DCTN4: variants seen among roughly 807,000 people sequenced by gnomAD.
DCTN4 encodes dynactin subunit 4, also known as dynactin 4 (p62).
DCTN4 carries 23 observed loss-of-function variants against 62.7 expected under a neutral mutation model. The ratio of observed to expected loss-of-function variants is 0.37; its 90% confidence interval spans 0.26 to 0.52. The LOEUF is 0.52. DCTN4 is among the 20% of genes least tolerant of loss of function. The pLI is 0.92. For missense variants in DCTN4, 514 were observed against 580.4 expected, an observed-to-expected ratio of 0.89 and a Z score of 1.18; for synonymous variants, 199 against 202.1, an observed-to-expected ratio of 0.98 and a Z score of 0.13.
At position 150,753,302 on chromosome 5, in the gene DCTN4, T is replaced by C. The variant is rs1048707673; in HGVS notation, c.385+177A>G. On this transcript the variant is annotated intron_variant, in intron 3 of 12. Coordinates refer to ENST00000447998, the MANE Select transcript of DCTN4 (RefSeq NM_016221.4). ...TCTAAGAAAACTAAATATTATCCCA[T>C]CTCAGATAAAACACTAAGGTCTACA... Among the ~76,000 whole-genome samples, 6 of 152,318 alleles carry C rather than the reference T, an allele frequency of 3.9e-5. 1 individual carries two copies. Among genetic ancestry groups the C allele is most frequent in the African/African-American group, 4.8e-5 (2 of 41,562 alleles).
chr5:150,751,444 G>T (rs1561710392), intron 3 of DCTN4, among the ~76,000 whole-genome samples: 1 of 152,046 alleles, frequency 6.6e-6, no homozygotes, highest in Non-Finnish European at 1.5e-5. Context: ...AACAAACTGA[G>T]AAATCTACTT....
chr5:150,747,406 C>T (rs1041845573), intron 3 of DCTN4, among the ~76,000 whole-genome samples: 3 of 152,168 alleles, frequency 2.0e-5, no homozygotes, highest in African/African-American at 7.2e-5. Flanking sequence ...ATCAAGCTAC[C>T]AATGACTTTC....
intron 4 of DCTN4, among the ~76,000 whole-genome samples, chr5:150,738,025 A>G (rs902474968): frequency 6.6e-6 from 1 of 152,180 alleles, no homozygotes; most frequent in African/African-American, 2.4e-5. Context: ...GAGGAGATGG[A>G]TAAATTCCTG....
intron 4 of DCTN4, among the ~76,000 whole-genome samples, chr5:150,735,038 C>A (rs151176928): frequency 0.015 from 2,275 of 152,304 alleles, 55 homozygotes; most frequent in African/African-American, 0.052. Flanking sequence ...TGGTCTTTCT[C>A]TACCTGCCCT....
At chr5:150,737,418 G>T (rs12332423) in intron 4 of DCTN4, among the ~76,000 whole-genome samples, 22,931 of 152,052 alleles carry the variant, frequency 0.15, 3,127 homozygotes, top group African/African-American at 0.36. Flanking sequence ...TGAAGTACTC[G>T]CTCAGACAGC....
intron 2 of DCTN4, among the ~76,000 whole-genome samples, chr5:150,755,814 T>A (rs1440989071): frequency 6.6e-6 from 1 of 152,186 alleles, no homozygotes; most frequent in African/African-American, 2.4e-5. Flanking sequence ...GTGTATTGGT[T>A]CATTAATTGT....
Position 150,730,747 on chromosome 5 carries a change from A to G in DCTN4, c.725-7T>C, listed in dbSNP as rs373413057. Reference sequence around the variant, plus strand: ...CGCTGCTGAAGGGTTGTTACTAGAAAGAAAGGCAGAAAACAGGCTTAGTTT... The same window carrying G: ...CGCTGCTGAAGGGTTGTTACTAGAAGGAAAGGCAGAAAACAGGCTTAGTTT... On this transcript the variant is annotated splice_region_variant and splice_polypyrimidine_tract_variant and intron_variant, in intron 7 of 12. Transcript: ENST00000447998. 1.9e-4 allele frequency: 305 copies of G among 1,612,386 alleles called. No homozygotes were observed. Among genetic ancestry groups the G allele is most frequent in the Non-Finnish European group, 2.4e-4 (280 of 1,178,888 alleles).
intron 2 of DCTN4, chr5:150,755,563 C>T (rs1321209122): frequency 2.2e-6 from 1 of 456,144 alleles, no homozygotes; most frequent in Non-Finnish European, 4.4e-6. Context: ...ATACATTCCC[C>T]TAGTCTGATG....
At chr5:150,712,503 T>C (rs1172710023) in intron 12 of DCTN4, among the ~76,000 whole-genome samples, 1 of 152,148 alleles carries the variant, frequency 6.6e-6, no homozygotes, top group Non-Finnish European at 1.5e-5. Flanking sequence ...TCATAGTTCA[T>C]GGTAGCCTTG....
At chr5:150,743,339 C>T (rs976908996) in intron 3 of DCTN4, among the ~76,000 whole-genome samples, 5 of 152,188 alleles carry the variant, frequency 3.3e-5, no homozygotes, top group Non-Finnish European at 5.9e-5. Flanking sequence ...AGGAGGCCTG[C>T]CTGCCTCTGT....
intron 3 of DCTN4, 34 bp from the exon 4 acceptor site, chr5:150,742,191 A>G: frequency 6.3e-7 from 1 of 1,598,880 alleles, no homozygotes; most frequent in Non-Finnish European, 8.6e-7. Flanking sequence ...CAAGACTTTC[A>G]TAATGTGATA....
chr5:150,751,889 C>T (rs1271399367), intron 3 of DCTN4, among the ~76,000 whole-genome samples: 1 of 152,124 alleles, frequency 6.6e-6, no homozygotes, highest in African/African-American at 2.4e-5. Flanking sequence ...ATCTAAAGAA[C>T]TTCACCCATA....
chr5:150,753,780 ACTTTG>A (rs1373961889), intron 2 of DCTN4, 123 bp from the exon 3 acceptor site: 4 of 970,364 alleles, frequency 4.1e-6, no homozygotes, highest in Middle Eastern at 2.7e-4. Context: ...CCTCTTACCA[ACTTTG>A]CTTTAACAGT....
chr5:150,735,885 G>C (rs1230451761), intron 4 of DCTN4, among the ~76,000 whole-genome samples: 1 of 143,838 alleles, frequency 7.0e-6, no homozygotes, highest in Non-Finnish European at 1.5e-5. Context: ...AGGGGCACCA[G>C]AGAAAGGTGA....
At chr5:150,718,177 G>C (rs1048979550) in intron 11 of DCTN4, 99 bp downstream of exon 11, 4 of 708,042 alleles carry the variant, frequency 5.6e-6, no homozygotes, top group African/African-American at 5.6e-5. Context: ...TTGCTGACTA[G>C]ATGTGGAAAG....
intron 2 of DCTN4, 73 bp from the exon 3 acceptor site, chr5:150,753,730 G>T: frequency 1.4e-6 from 2 of 1,447,752 alleles, no homozygotes; most frequent in East Asian, 2.3e-5. Context: ...CAAATATAAG[G>T]ACAAGTGTCT....
chr5:150,716,016 T>C (rs1252821517), intron 11 of DCTN4, among the ~76,000 whole-genome samples: 2 of 152,214 alleles, frequency 1.3e-5, no homozygotes, highest in Non-Finnish European at 2.9e-5. Flanking sequence ...GCGATTCTCC[T>C]GACTCAGCCT....
chr5:150,756,898 C>T (rs1752884960), intron 1 of DCTN4, among the ~76,000 whole-genome samples: 1 of 152,112 alleles, frequency 6.6e-6, no homozygotes, highest in South Asian at 2.1e-4. Flanking sequence ...TTTTGAAGGA[C>T]ATTTTTTTAA....
At position 150,711,187 on chromosome 5, in the gene DCTN4, G is replaced by C; in HGVS notation, c.1345C>G (p.Gln449Glu). The change falls in exon 13 of 13, where the codon CAG becomes GAG. Residue 449 changes from glutamine to glutamate, a missense_variant. Physicochemically the swap from Gln to Glu is conservative, Grantham distance 29 (BLOSUM62 2). Coordinates refer to ENST00000447998, the MANE Select transcript of DCTN4 (RefSeq NM_016221.4). ...DQGTEVIWLT[Q>E]HVELSLGPLL... ...GGGCCCAAGCTAAGTTCCACATGCTGGGTGAGCCAGATGACTTCTGTTCCC... is the reference window on the plus strand; with the variant it reads ...GGGCCCAAGCTAAGTTCCACATGCTCGGTGAGCCAGATGACTTCTGTTCCC... 2 of 1,612,432 alleles carry C rather than the reference G, an allele frequency of 1.2e-6. No homozygotes were observed. The highest frequency in any genetic ancestry group is 1.7e-6 in the Non-Finnish European group (2 of 1,180,022).
Sources: gnomAD v4.1 joint callset for allele counts (sites outside exome capture counted in the v4.1 genomes callset) on GRCh38, gnomAD v4.1.1 for gene constraint, MANE v1.5 for transcripts, NCBI Gene and HGNC (gene_info 2026-07-23, HGNC 2026-07-21) for gene names.